XIRP2: variants seen among roughly 807,000 people sequenced by gnomAD.
The protein encoded by XIRP2 is xin actin-binding repeat-containing protein 2.
In XIRP2, 236 loss-of-function variants were observed where a neutral mutation model predicts 277.0. The ratio of observed to expected loss-of-function variants is 0.85; its 90% CI spans 0.77 to 0.95. The LOEUF is 0.95. XIRP2 is among the 40% of genes least tolerant of loss of function. The pLI is 0.00. For synonymous variants in XIRP2, 1,490 were observed against 1,416.5 expected (o/e 1.05, Z -1.17); for missense variants, 4,640 against 4,157.5 (o/e 1.12, Z -3.19).
At position 167,011,354 on chromosome 2, in the gene XIRP2, G is replaced by A. The variant is rs540198854; in HGVS notation, c.408+107464G>A. On this transcript the variant is annotated intron_variant, in intron 2 of 10. Coordinates refer to ENST00000409195, the MANE Select transcript of XIRP2 (RefSeq NM_152381.6). The stretch of plus-strand genomic sequence containing the variant: ...TAATGTGGTTTTTGTCTTTGGTTCT[G>A]TTTATATGCTGGATTACATTTATTG... Among the ~76,000 whole-genome samples the A allele has an allele frequency of 1.1e-4, 16 of 151,636 alleles. No homozygotes were observed. The South Asian group carries it at 2.9e-3, about 28-fold the overall frequency.
intron 3 of XIRP2, among the ~76,000 whole-genome samples, chr2:167,172,411 G>A (rs967275953): frequency 6.6e-6 from 1 of 152,154 alleles, no homozygotes; most frequent in African/African-American, 2.4e-5. Context: ...AGGAGACAGG[G>A]TTTGAGAGCA....
At chr2:167,052,572 T>C (rs1042327196) in intron 2 of XIRP2, among the ~76,000 whole-genome samples, 9 of 152,096 alleles carry the variant, frequency 5.9e-5, no homozygotes, top group African/African-American at 2.2e-4. Flanking sequence ...CTCCAAATTT[T>C]CTTCCATCGA....
rs190642100 is a variant in XIRP2, at chr2:167,136,703, A to G, written c.562+641A>G. Among the ~76,000 whole-genome samples the G allele has an allele frequency of 6.2e-4, 94 of 152,358 alleles. 2 individuals carry two copies. The East Asian group carries it at 0.015, about 24-fold the overall frequency. On this transcript the variant is annotated intron_variant, in intron 3 of 10. Transcript: ENST00000409195. ...TTATTGGAAAATACAGATCTTATTT[A>G]TCATTTCTGATTAGGCACATTCTGG...
intron 2 of XIRP2, among the ~76,000 whole-genome samples, chr2:167,025,682 A>T (rs1688131767): frequency 6.6e-6 from 1 of 152,212 alleles, no homozygotes; most frequent in South Asian, 2.1e-4. Context: ...TTCAAAGAAC[A>T]TCTTTATGTC....
At chr2:166,897,977 CA>C (rs575331216) in intron 1 of XIRP2, among the ~76,000 whole-genome samples, 212 of 152,256 alleles carry the variant, frequency 1.4e-3, no homozygotes, top group Middle Eastern at 3.4e-3. Context: ...ATAGAATCAA[CA>C]ACTGCTCCCT....
In XIRP2 at chr2:167,247,220, G is replaced by T; in HGVS notation, c.5828G>T (p.Gly1943Val). 1 of 1,613,538 alleles carries T rather than the reference G, an allele frequency of 6.2e-7. No homozygotes were observed. Among genetic ancestry groups the T allele is most frequent in the African/African-American group, 1.3e-5 (1 of 74,958 alleles). ...QRSFKEVHKE[G>V]VIKKDAKAVM... ...AGTTTCAAAGAGGTACATAAAGAAGGTGTAATAAAAAAAGATGCTAAAGCT... is the reference window on the plus strand; with the variant it reads ...AGTTTCAAAGAGGTACATAAAGAAGTTGTAATAAAAAAAGATGCTAAAGCT... Residue 1943 changes from glycine (G) to valine (V), a missense_variant, in exon 9 of 11, where the codon GGT becomes GTT. By Grantham distance (109) the Gly-to-Val change is moderately radical. Transcript: ENST00000409195.
chr2:167,106,484 T>G (rs1690622036), intron 2 of XIRP2, among the ~76,000 whole-genome samples: 1 of 151,784 alleles, frequency 6.6e-6, no homozygotes, highest in South Asian at 2.1e-4. Flanking sequence ...TAGGCATATT[T>G]ATGTGACCTT....
intron 2 of XIRP2, among the ~76,000 whole-genome samples, chr2:167,107,574 T>C (rs1690648129): frequency 6.6e-6 from 1 of 151,672 alleles, no homozygotes; most frequent in African/African-American, 2.4e-5. Flanking sequence ...TATATACCTA[T>C]TTTGTATATT....
intron 5 of XIRP2, among the ~76,000 whole-genome samples, chr2:167,227,428 C>T (rs531007961): frequency 1.1e-3 from 163 of 152,138 alleles, no homozygotes; most frequent in Non-Finnish European, 1.1e-3. Flanking sequence ...ATAAACTAGC[C>T]TATAATCCCA....
At position 167,250,173 on chromosome 2, in the gene XIRP2, T is replaced by C; in HGVS notation, c.8781T>C (p.Phe2927=). The change falls in exon 9 of 11, where the codon TTT becomes TTC. Residue 2927 remains phenylalanine, a synonymous_variant. Transcript: ENST00000409195. ...AGATTACACAGAACAAATCTTTCTT[T>C]TCCTCTGTGAAAGAATCCCAGCGGG... is the stretch of plus-strand genomic sequence containing the variant. ...KQEITQNKSF[F]SSVKESQRDD... 6.2e-7 allele frequency: 1 copy of C among 1,613,512 alleles called. No individual in the cohort carries two copies. The highest frequency in any genetic ancestry group is 8.5e-7 in the Non-Finnish European group (1 of 1,179,662).
At chr2:167,129,744 C>A (rs973212775) in intron 2 of XIRP2, among the ~76,000 whole-genome samples, 7 of 151,794 alleles carry the variant, frequency 4.6e-5, no homozygotes, top group Admixed American at 4.6e-4. Flanking sequence ...GTGGCGCATG[C>A]CTGTAATCCC....
rs1460247362 is a variant in XIRP2, at chr2:167,258,752, T to G, written c.*935T>G. 1 of 1,613,346 alleles carries G rather than the reference T, an allele frequency of 6.2e-7. No homozygotes were observed. The highest frequency in any genetic ancestry group is 8.5e-7 in the Non-Finnish European group (1 of 1,179,626). On this transcript the variant is annotated 3_prime_UTR_variant, in exon 11 of 11. Coordinates refer to ENST00000409195, the MANE Select transcript of XIRP2 (RefSeq NM_152381.6). ...TTTAGAATTTCTTGATCTATTACCC[T>G]TGTCGAGTGAAGCAAATGACACTGC... is the stretch of plus-strand genomic sequence containing the variant.
intron 2 of XIRP2, among the ~76,000 whole-genome samples, chr2:167,049,985 A>G (rs939981618): frequency 3.3e-5 from 5 of 152,030 alleles, no homozygotes; most frequent in African/African-American, 9.7e-5. Flanking sequence ...GGGAAAAACT[A>G]TCTCAGGAAT....
chr2:167,016,969 TG>T (rs1687844002), intron 2 of XIRP2, among the ~76,000 whole-genome samples: 1 of 151,964 alleles, frequency 6.6e-6, no homozygotes, highest in Admixed American at 6.6e-5. Flanking sequence ...AAGGTAAACA[TG>T]GTGATGGATC....
chr2:167,240,218 T>C (rs1014581114), intron 6 of XIRP2, among the ~76,000 whole-genome samples: 1 of 151,848 alleles, frequency 6.6e-6, no homozygotes, highest in Non-Finnish European at 1.5e-5. Flanking sequence ...TCAAGAGCAG[T>C]GTGGCCAACA....
intron 3 of XIRP2, among the ~76,000 whole-genome samples, chr2:167,185,306 T>A (rs960712674): frequency 1.1e-4 from 17 of 152,156 alleles, no homozygotes; most frequent in Non-Finnish European, 2.1e-4. Flanking sequence ...TTTCTTTTCC[T>A]GACCATTTTT....
chr2:167,011,937 A>C (rs974241999), intron 2 of XIRP2, among the ~76,000 whole-genome samples: 42 of 151,748 alleles, frequency 2.8e-4, no homozygotes, highest in Admixed American at 9.2e-4. Flanking sequence ...ATCATTTTTT[A>C]TTGTGTCTAT....
chr2:167,047,042 A>C (rs1688803741), intron 2 of XIRP2, among the ~76,000 whole-genome samples: 1 of 151,978 alleles, frequency 6.6e-6, no homozygotes, highest in African/African-American at 2.4e-5. Context: ...CTAAGATTAC[A>C]AACAAAATAA....
At chr2:167,061,078 T>C (rs1689161824) in intron 2 of XIRP2, among the ~76,000 whole-genome samples, 1 of 152,136 alleles carries the variant, frequency 6.6e-6, no homozygotes. Flanking sequence ...TGAATGTATA[T>C]TGCTACATTT....
Sources: allele counts gnomAD v4.1 joint callset (sites outside exome capture counted in the v4.1 genomes callset), GRCh38; gene constraint gnomAD v4.1.1; transcripts MANE v1.5; gene names NCBI Gene and HGNC (gene_info 2026-07-23, HGNC 2026-07-21).